Variants in KCND2 observed in about 807,000 individuals in gnomAD.
KCND2 encodes potassium voltage-gated channel subfamily D member 2.
In KCND2, 16 loss-of-function variants were observed where a neutral mutation model predicts 54.4. The observed-to-expected ratio is 0.29, with a 90% CI of 0.20 to 0.45. KCND2 has a LOEUF of 0.45. Ranked by LOEUF, KCND2 falls within the 20% of genes least tolerant of loss-of-function variation. The pLI, the probability that KCND2 is intolerant of heterozygous loss-of-function variation, is 1.00. For missense variants in KCND2, 486 were observed against 824.2 expected, an observed-to-expected ratio of 0.59 and a Z score of 5.02; for synonymous variants, 317 against 310.7, an observed-to-expected ratio of 1.02 and a Z score of -0.21.
intron 1 of KCND2, among the ~76,000 whole-genome samples, chr7:120,502,771 A>T (rs940999866): frequency 6.6e-6 from 1 of 151,974 alleles, no homozygotes; most frequent in Non-Finnish European, 1.5e-5. Context: ...TTTTATTTGT[A>T]TCTACCAACT....
At chr7:120,533,768 T>G (rs2116368265) in intron 1 of KCND2, among the ~76,000 whole-genome samples, 1 of 152,244 alleles carries the variant, frequency 6.6e-6, no homozygotes, top group South Asian at 2.1e-4. Flanking sequence ...CCTTGTGGTC[T>G]TTCAGCCATA....
At chr7:120,561,054 A>T (rs1028238968) in intron 1 of KCND2, among the ~76,000 whole-genome samples, 4 of 152,224 alleles carry the variant, frequency 2.6e-5, no homozygotes, top group African/African-American at 9.6e-5. Context: ...TATGTTTGTG[A>T]TCAAACGATC....
intron 1 of KCND2, among the ~76,000 whole-genome samples, chr7:120,725,922 A>G (rs748908453): frequency 2.6e-5 from 4 of 152,192 alleles, no homozygotes; most frequent in Non-Finnish European, 4.4e-5. Flanking sequence ...TTGAAAGTTC[A>G]TAGACTCCGA....
Position 120,638,906 on chromosome 7 carries a change from A to T in KCND2, c.1116-93997A>T, listed in dbSNP as rs190127196. On this transcript the variant is annotated intron_variant, in intron 1 of 5. Coordinates refer to ENST00000331113, the MANE Select transcript of KCND2 (RefSeq NM_012281.3). The stretch of plus-strand genomic sequence containing the variant: ...TGTGGGATATATGTGGTGTGTGTGT[A>T]TGTTTGTGTGGAGAGAGAGAAACTT... Among the ~76,000 whole-genome samples the T allele has an allele frequency of 2.0e-5, 3 of 152,150 alleles. No homozygotes were observed. The East Asian group carries it at 5.8e-4, about 29-fold the overall frequency.
In KCND2 at chr7:120,381,553, G is replaced by A. The variant is rs567767689; in HGVS notation, c.1115+105806G>A. Among the ~76,000 whole-genome samples the A allele has an allele frequency of 5.3e-5, 8 of 152,082 alleles. No homozygotes were observed. The South Asian group carries it at 8.3e-4, about 16-fold the overall frequency. The stretch of plus-strand genomic sequence containing the variant: ...GATATAATGTGAGGAACAAAAGAAA[G>A]CCTTTTTGGCATTACATGGACAAAT... On this transcript the variant is annotated intron_variant, in intron 1 of 5. Coordinates refer to ENST00000331113, the MANE Select transcript of KCND2 (RefSeq NM_012281.3).
chr7:120,398,039 T>G (rs866491511), intron 1 of KCND2, among the ~76,000 whole-genome samples: 1 of 126,588 alleles, frequency 7.9e-6, no homozygotes, highest in Non-Finnish European at 1.7e-5. Flanking sequence ...ATATATATAT[T>G]TGCTCTTTTT....
intron 1 of KCND2, among the ~76,000 whole-genome samples, chr7:120,433,056 T>C (rs536876734): frequency 1.1e-4 from 17 of 152,146 alleles, no homozygotes; most frequent in Non-Finnish European, 1.6e-4. Context: ...TCCTACCTCT[T>C]GCTGTGACTT....
intron 1 of KCND2, among the ~76,000 whole-genome samples, chr7:120,693,294 C>T (rs904933738): frequency 6.6e-6 from 1 of 151,952 alleles, no homozygotes; most frequent in South Asian, 2.1e-4. Context: ...CTCAGAGCAC[C>T]ACGTACTTCC....
intron 1 of KCND2, among the ~76,000 whole-genome samples, chr7:120,578,769 G>A (rs1562878112): frequency 6.6e-6 from 1 of 152,054 alleles, no homozygotes; most frequent in Non-Finnish European, 1.5e-5. Flanking sequence ...GGAGGCTGAG[G>A]CAGGAGAATC....
chr7:120,541,790 T>A (rs966286104), intron 1 of KCND2, among the ~76,000 whole-genome samples: 8 of 152,190 alleles, frequency 5.3e-5, no homozygotes, highest in Non-Finnish European at 1.0e-4. Context: ...GGCCATATTA[T>A]GTCACTAATC....
At chr7:120,699,001 C>A (rs1467439589) in intron 1 of KCND2, among the ~76,000 whole-genome samples, 1 of 152,086 alleles carries the variant, frequency 6.6e-6, no homozygotes, top group African/African-American at 2.4e-5. Flanking sequence ...ATTAAATCAG[C>A]CGGGCACGGT....
At chr7:120,393,990 C>T (rs147544797) in intron 1 of KCND2, among the ~76,000 whole-genome samples, 49 of 151,756 alleles carry the variant, frequency 3.2e-4, no homozygotes, top group African/African-American at 9.2e-4. Flanking sequence ...TTTTTCAGGC[C>T]GTAAATTATG....
intron 1 of KCND2, among the ~76,000 whole-genome samples, chr7:120,297,267 G>A (rs12333483): frequency 0.073 from 11,041 of 152,028 alleles, 872 homozygotes; most frequent in African/African-American, 0.2. Context: ...ATGTCCACAT[G>A]TACACATTAC....
chr7:120,409,204 A>G (rs62472261), intron 1 of KCND2, among the ~76,000 whole-genome samples: 15,737 of 151,984 alleles, frequency 0.1, 856 homozygotes, highest in Admixed American at 0.13. Flanking sequence ...TTATAGCATC[A>G]TCCCTTTCTT....
chr7:120,689,545 CATAAAAT>C (rs1792244682), intron 1 of KCND2, among the ~76,000 whole-genome samples: 1 of 152,164 alleles, frequency 6.6e-6, no homozygotes. Flanking sequence ...AACCACTAGT[CATAAAAT>C]GTAAAATGCA....
intron 1 of KCND2, among the ~76,000 whole-genome samples, chr7:120,694,619 G>A (rs1792311105): frequency 6.6e-6 from 1 of 151,976 alleles, no homozygotes; most frequent in South Asian, 2.1e-4. Context: ...CATCTAAAAG[G>A]GGTTAGAAGG....
chr7:120,735,851 A>G (rs1439200667), intron 2 of KCND2, among the ~76,000 whole-genome samples: 1 of 152,008 alleles, frequency 6.6e-6, no homozygotes, highest in African/African-American at 2.4e-5. Flanking sequence ...TAAACTGAAC[A>G]TAATCTTCTA....
chr7:120,289,898 A>C (rs1216662208), intron 1 of KCND2, among the ~76,000 whole-genome samples: 1 of 152,158 alleles, frequency 6.6e-6, no homozygotes, highest in Non-Finnish European at 1.5e-5. Flanking sequence ...CACTGAAGCA[A>C]TACACATACG....
intron 1 of KCND2, among the ~76,000 whole-genome samples, chr7:120,667,920 A>G (rs192348580): frequency 2.6e-5 from 4 of 152,054 alleles, no homozygotes; most frequent in African/African-American, 9.7e-5. Flanking sequence ...ATGTAATACC[A>G]AAGTAAACTC....
Sources: allele counts gnomAD v4.1 joint callset (sites outside exome capture counted in the v4.1 genomes callset), GRCh38; gene constraint gnomAD v4.1.1; transcripts MANE v1.5; gene names NCBI Gene and HGNC (gene_info 2026-07-23, HGNC 2026-07-21).